The following ZNF438 variants were observed in gnomAD, a reference collection of about 807,000 sequenced individuals.
ZNF438 encodes zinc finger protein 438.
Under a neutral mutation model 38.0 loss-of-function variants are expected in ZNF438, and 25 were observed. The observed-to-expected ratio is 0.66, with a 90% CI of 0.48 to 0.92. The LOEUF (loss-of-function observed/expected upper bound fraction) is 0.92. Among genes scored for constraint, ZNF438 ranks in the 40% least tolerant of loss-of-function variants. The pLI, the probability that ZNF438 is intolerant of heterozygous loss-of-function variation, is 0.00. For synonymous variants in ZNF438, 372 were observed against 364.1 expected, an observed-to-expected ratio of 1.02 and a Z score of -0.25; for missense variants, 1,007 against 999.6, an observed-to-expected ratio of 1.01 and a Z score of -0.10.
intron 2 of ZNF438, chr10:30,923,486 T>G (rs1415153519): frequency 6.6e-6 from 1 of 152,230 alleles, no homozygotes; most frequent in African/African-American, 2.4e-5. Flanking sequence ...TTTCCCATTT[T>G]GTGTATGATG....
intron 2 of ZNF438, among the ~76,000 whole-genome samples, chr10:30,933,485 A>G (rs913979394): frequency 6.6e-6 from 1 of 152,224 alleles, no homozygotes; most frequent in African/African-American, 2.4e-5. Context: ...AGGCATCATG[A>G]CTTGCACCTG....
At chr10:30,908,127 G>C (rs61843597) in intron 3 of ZNF438, among the ~76,000 whole-genome samples, 554 of 152,096 alleles carry the variant, frequency 3.6e-3, no homozygotes, top group Non-Finnish European at 6.1e-3. Context: ...CCACATATCT[G>C]TGCATTTCCC....
chr10:30,860,072 C>A (rs1265822595), intron 4 of ZNF438, among the ~76,000 whole-genome samples: 1 of 152,012 alleles, frequency 6.6e-6, no homozygotes, highest in Non-Finnish European at 1.5e-5. Flanking sequence ...AAACCAGAAC[C>A]ACTTTTCCCC....
chr10:30,983,357 C>T lies in ZNF438; in HGVS notation c.-191-41706G>A, dbSNP rs180954158. Among the ~76,000 whole-genome samples, 711 of 152,246 alleles carry T rather than the reference C, an allele frequency of 4.7e-3. 8 individuals are homozygous for T. The highest frequency in any genetic ancestry group is 0.016 in the African/African-American group (670 of 41,546). Reference sequence around the variant, plus strand: ...ACAGGAAGCATGGTTGGGGAGGCCTCAAGAAACTTTCAACCACAGCGGAAG... The same window carrying T: ...ACAGGAAGCATGGTTGGGGAGGCCTTAAGAAACTTTCAACCACAGCGGAAG... On this transcript the variant is annotated intron_variant, in intron 1 of 5. Transcript: ENST00000413025.
At chr10:31,009,753 C>T (rs2055487814) in intron 1 of ZNF438, among the ~76,000 whole-genome samples, 1 of 151,828 alleles carries the variant, frequency 6.6e-6, no homozygotes, top group Non-Finnish European at 1.5e-5. Context: ...TTTTTAAATG[C>T]AAAGCATCAA....
At chr10:30,943,119 T>G (rs1049867091) in intron 1 of ZNF438, among the ~76,000 whole-genome samples, 2 of 152,194 alleles carry the variant, frequency 1.3e-5, no homozygotes, top group Non-Finnish European at 2.9e-5. Context: ...GGTGCTGTTT[T>G]TTTTTCATTT....
chr10:30,876,723 C>T (rs942887938), intron 4 of ZNF438, among the ~76,000 whole-genome samples: 1 of 152,044 alleles, frequency 6.6e-6, no homozygotes, highest in East Asian at 1.9e-4. Flanking sequence ...CAGTTAACTG[C>T]CAGTGAATAA....
chr10:30,954,119 G>A (rs1029610037), intron 1 of ZNF438, among the ~76,000 whole-genome samples: 1 of 152,094 alleles, frequency 6.6e-6, no homozygotes, highest in African/African-American at 2.4e-5. Context: ...CTCCAGCCCA[G>A]GCGACAGTGC....
Position 30,880,675 on chromosome 10 carries a change from C to T in ZNF438, c.-31-3610G>A, listed in dbSNP as rs566376546. 1.5e-3 allele frequency among the ~76,000 whole-genome samples: 228 copies of T among 152,034 alleles called. 1 individual carries two copies. The highest frequency in any genetic ancestry group is 2.8e-3 in the Non-Finnish European group (191 of 67,980). On this transcript the variant is annotated intron_variant, in intron 3 of 5. Coordinates refer to ENST00000413025, the Ensembl canonical transcript of ZNF438. ...AGGCCGGATTATCTAGATATCAAAACCAGACAAATCCAGACATAGAAAAGA... is the reference window on the plus strand; with the variant it reads ...AGGCCGGATTATCTAGATATCAAAATCAGACAAATCCAGACATAGAAAAGA...
chr10:30,912,053 C>T (rs181431004), intron 2 of ZNF438, among the ~76,000 whole-genome samples: 2 of 152,156 alleles, frequency 1.3e-5, no homozygotes, highest in East Asian at 1.9e-4. Context: ...TTAAACAAAC[C>T]CTAGTCTCTT....
intron 1 of ZNF438, among the ~76,000 whole-genome samples, chr10:30,993,725 T>C (rs2887737): frequency 0.75 from 113,391 of 152,178 alleles, 43,093 homozygotes; most frequent in African/African-American, 0.87. Flanking sequence ...GCTGCTGAGA[T>C]CCCAGAACTA....
rs958881419 is a variant in ZNF438, at chr10:30,923,635, G to T, written c.-114-14620C>A. 6.6e-5 allele frequency among the ~76,000 whole-genome samples: 10 copies of T among 152,148 alleles called. No individual in the cohort carries two copies. In the East Asian group the frequency reaches 1.9e-3, roughly 29 times the overall value. Reference sequence around the variant, plus strand: ...TCATGAATCATGCTTCCACATATAGGTGGATCTGTTTGTAAATTTTCTATT... The same window carrying T: ...TCATGAATCATGCTTCCACATATAGTTGGATCTGTTTGTAAATTTTCTATT... On this transcript the variant is annotated intron_variant, in intron 2 of 5. Coordinates refer to ENST00000413025, the Ensembl canonical transcript of ZNF438.
chr10:31,000,446 G>T (rs1589666483), intron 1 of ZNF438, among the ~76,000 whole-genome samples: 1 of 152,194 alleles, frequency 6.6e-6, no homozygotes, highest in Admixed American at 6.5e-5. Flanking sequence ...AAACACTGAT[G>T]TATAATTCCT....
At chr10:30,845,867 G>A (rs2031922012) in intron 5 of ZNF438, among the ~76,000 whole-genome samples, 1 of 152,200 alleles carries the variant, frequency 6.6e-6, no homozygotes, top group South Asian at 2.1e-4. Flanking sequence ...ACAGGGACAG[G>A]AGCAATCACG....
chr10:30,892,554 A>G (rs1049874459), intron 3 of ZNF438, among the ~76,000 whole-genome samples: 1 of 151,968 alleles, frequency 6.6e-6, no homozygotes, highest in Non-Finnish European at 1.5e-5. Context: ...TTCTGTTTGT[A>G]TATTGATTAA....
intron 3 of ZNF438, among the ~76,000 whole-genome samples, chr10:30,903,229 C>T (rs1208525299): frequency 1.3e-5 from 2 of 152,212 alleles, no homozygotes; most frequent in African/African-American, 4.8e-5. Flanking sequence ...ACTCAGCCAG[C>T]CCAGAGAAGG....
chr10:30,907,661 T>G (rs1362782378), intron 3 of ZNF438, among the ~76,000 whole-genome samples: 2 of 152,178 alleles, frequency 1.3e-5, no homozygotes, highest in Non-Finnish European at 2.9e-5. Flanking sequence ...TAATTACCTT[T>G]TTTAAATTTC....
intron 4 of ZNF438, among the ~76,000 whole-genome samples, chr10:30,853,617 G>A (rs2034092809): frequency 6.6e-6 from 1 of 152,208 alleles, no homozygotes; most frequent in South Asian, 2.1e-4. Flanking sequence ...TTCTCAACGA[G>A]CATCTCCTCT....
intron 2 of ZNF438, among the ~76,000 whole-genome samples, chr10:30,914,103 C>T (rs921893036): frequency 6.6e-6 from 1 of 151,770 alleles, no homozygotes; most frequent in Non-Finnish European, 1.5e-5. Context: ...ACTTAGTAAT[C>T]GAAATGAACA....
Sources: allele counts gnomAD v4.1 joint callset (sites outside exome capture counted in the v4.1 genomes callset), GRCh38; gene constraint gnomAD v4.1.1; transcripts MANE v1.5; gene names NCBI Gene and HGNC (gene_info 2026-07-23, HGNC 2026-07-21).